Variants in LRTM1 observed in about 807,000 individuals in gnomAD.
The protein encoded by LRTM1 is leucine-rich repeat and transmembrane domain-containing protein 1.
In LRTM1, 38 loss-of-function variants were observed where a neutral mutation model predicts 32.4. The ratio of observed to expected loss-of-function variants is 1.17; its 90% confidence interval spans 0.91 to 1.54. The LOEUF (loss-of-function observed/expected upper bound fraction) is 1.54. LRTM1 is among the 40% of genes most tolerant of loss of function. LRTM1 has a pLI of 0.00. For missense variants in LRTM1, 466 were observed against 415.4 expected (o/e 1.12, Z -1.06); for synonymous variants, 186 against 169.9 (o/e 1.09, Z -0.74).
intron 1 of LRTM1, among the ~76,000 whole-genome samples, chr3:54,957,875 A>G (rs1042816713): frequency 3.3e-5 from 5 of 152,198 alleles, no homozygotes; most frequent in Admixed American, 1.3e-4. Flanking sequence ...GCACAAATCT[A>G]TTTGTGTCTC....
intron 1 of LRTM1, among the ~76,000 whole-genome samples, chr3:54,950,579 T>C (rs563377269): frequency 6.6e-6 from 1 of 152,358 alleles, no homozygotes; most frequent in African/African-American, 2.4e-5. Context: ...CAAAGAATGC[T>C]GCTTGATCAA....
intron 1 of LRTM1, among the ~76,000 whole-genome samples, chr3:54,960,600 G>A (rs1234503224): frequency 2.0e-5 from 3 of 152,094 alleles, no homozygotes; most frequent in African/African-American, 7.2e-5. Context: ...AAAGGTTGTT[G>A]CTGATCATTC....
chr3:54,948,156 C>T (rs962305687), intron 1 of LRTM1, among the ~76,000 whole-genome samples: 2 of 152,144 alleles, frequency 1.3e-5, no homozygotes, highest in African/African-American at 2.4e-5. Flanking sequence ...TCTACTTCTC[C>T]TCTCACCCCC....
chr3:54,936,694 C>G (rs529526587), intron 1 of LRTM1, among the ~76,000 whole-genome samples: 1 of 152,024 alleles, frequency 6.6e-6, no homozygotes, highest in Non-Finnish European at 1.5e-5. Flanking sequence ...CCAGTCAGCC[C>G]GTCGCTAGTA....
chr3:54,962,721 T>C (rs542529686), intron 1 of LRTM1, among the ~76,000 whole-genome samples: 1 of 152,266 alleles, frequency 6.6e-6, no homozygotes, highest in Non-Finnish European at 1.5e-5. Flanking sequence ...GTGGCAGGAT[T>C]GTTTTTCTGC....
chr3:54,945,996 C>G (rs1701604820), intron 1 of LRTM1, among the ~76,000 whole-genome samples: 1 of 152,234 alleles, frequency 6.6e-6, no homozygotes, highest in Non-Finnish European at 1.5e-5. Context: ...ATTCGCCTAG[C>G]TCTTTCCAAA....
intron 1 of LRTM1, among the ~76,000 whole-genome samples, chr3:54,944,775 C>A (rs58358513): frequency 0.16 from 23,932 of 151,788 alleles, 2,380 homozygotes; most frequent in African/African-American, 0.29. Context: ...ACAATAACTT[C>A]TTTTATCTCT....
chr3:54,940,880 G>A (rs1298621037), intron 1 of LRTM1, among the ~76,000 whole-genome samples: 1 of 152,108 alleles, frequency 6.6e-6, no homozygotes, highest in East Asian at 1.9e-4. Context: ...GGAGCCAAAG[G>A]TATCTGTATG....
intron 1 of LRTM1, among the ~76,000 whole-genome samples, chr3:54,953,652 C>G (rs1701812311): frequency 6.6e-6 from 1 of 152,180 alleles, no homozygotes; most frequent in Non-Finnish European, 1.5e-5. Flanking sequence ...AGGTCCAGTT[C>G]CCCAGGAGCT....
intron 1 of LRTM1, among the ~76,000 whole-genome samples, chr3:54,939,985 G>T (rs780808277): frequency 2.0e-5 from 3 of 152,224 alleles, no homozygotes; most frequent in Non-Finnish European, 4.4e-5. Context: ...AGGACAGGAT[G>T]CCTCTAGGAC....
In LRTM1 at chr3:54,924,890, AAGG is replaced by A. The variant is rs752337140; in HGVS notation, c.330_332del (p.Leu111del). ...AATGGAAAAGTCTGCTTTCCAGGGA[AAGG>A]AGTGAATTCTGGGTTAGATTTAAAA... On this transcript the variant is annotated inframe_deletion, in exon 2 of 3. Transcript: ENST00000273286. 1.9e-5 allele frequency: 31 copies of A among 1,613,774 alleles called. No individual in the cohort carries two copies. The highest frequency in any genetic ancestry group is 2.6e-5 in the Non-Finnish European group (31 of 1,179,718).
rs188375155 is a variant in LRTM1 at position 54,922,666 on chromosome 3, A to C, written c.604+1953T>G. 1.6e-4 allele frequency among the ~76,000 whole-genome samples: 25 copies of C among 152,234 alleles called. No homozygotes were observed. In the East Asian group the frequency reaches 4.8e-3, roughly 29 times the overall value. ...CATGCAGACACTGTTGACTTCCCTAATTCATGTCTGTAGCTCCAACATCTT... is the reference window on the plus strand; with the variant it reads ...CATGCAGACACTGTTGACTTCCCTACTTCATGTCTGTAGCTCCAACATCTT... On this transcript the variant is annotated intron_variant, in intron 2 of 2. Coordinates refer to ENST00000273286, the MANE Select transcript of LRTM1 (RefSeq NM_020678.4).
At chr3:54,924,420 A>T (rs1700949686) in intron 2 of LRTM1, among the ~76,000 whole-genome samples, 199 bp downstream of exon 2, 1 of 152,224 alleles carries the variant, frequency 6.6e-6, no homozygotes, top group African/African-American at 2.4e-5. Context: ...ATATTTGTAG[A>T]TTAATTTCGA....
At chr3:54,935,042 A>T (rs1286722357) in intron 1 of LRTM1, among the ~76,000 whole-genome samples, 2 of 152,158 alleles carry the variant, frequency 1.3e-5, no homozygotes, top group African/African-American at 2.4e-5. Flanking sequence ...CCAAGTCTGG[A>T]GGGTGCTATT....
Position 54,939,814 on chromosome 3 carries a change from C to A in LRTM1, c.-221-14599G>T, listed in dbSNP as rs537778490. 1.1e-4 allele frequency among the ~76,000 whole-genome samples: 16 copies of A among 152,312 alleles called. No individual in the cohort carries two copies. The South Asian group carries it at 3.3e-3, about 32-fold the overall frequency. ...ATGGCATTTTGTGGGCCTGCTCCTG[C>A]CCTTCGGCCCACATGATTGTTTGGA... On this transcript the variant is annotated intron_variant, in intron 1 of 2. Transcript: ENST00000493075.
upstream of LRTM1, among the ~76,000 whole-genome samples, chr3:54,930,700 C>T (rs745420079): frequency 6.6e-6 from 1 of 152,240 alleles, no homozygotes; most frequent in Non-Finnish European, 1.5e-5. Flanking sequence ...TGAGCATCAG[C>T]ATTCTATCTG....
chr3:54,926,505 TACACACACACACACACACACACACAC>T lies in LRTM1; in HGVS notation c.8-1316_8-1291del, dbSNP rs36205023. Among the ~76,000 whole-genome samples the T allele has an allele frequency of 9.8e-5, 14 of 143,408 alleles. No individual in the cohort carries two copies. The South Asian group carries it at 3.3e-3, about 34-fold the overall frequency. 94.1% of individuals were successfully genotyped at this position (143,408 alleles called of 152,430 possible). On this transcript the variant is annotated intron_variant, in intron 1 of 2. Transcript: ENST00000273286. The stretch of plus-strand genomic sequence containing the variant: ...CTACTGTGCTCCACTGCCTGTCAAA[TACACACACACACACACACACACACAC>T]ACACACACACACACACACACACTCT...
chr3:54,956,917 T>A lies in LRTM1; in HGVS notation c.-222+10011A>T, dbSNP rs141653647. Among the ~76,000 whole-genome samples the A allele has an allele frequency of 4.0e-3, 606 of 152,046 alleles. 2 individuals are homozygous for A. The highest frequency in any genetic ancestry group is 0.014 in the African/African-American group (569 of 41,460). ...AACCTCTTTGCCTTTGCTGTATAGG[T>A]TGAAAACAGGGGTGAAGGTAACTTC... On this transcript the variant is annotated intron_variant, in intron 1 of 2. Coordinates refer to the LRTM1 transcript ENST00000493075.
rs1273229771 is a variant in LRTM1 at position 54,955,290 on chromosome 3, A to G, written c.-222+11638T>C. On this transcript the variant is annotated intron_variant, in intron 1 of 2. Coordinates refer to the LRTM1 transcript ENST00000493075. ...AGGGACAAAGGTTGTCTTATTATGC[A>G]GATAATGTCCCGCAGGTAATCTCTT... is the stretch of plus-strand genomic sequence containing the variant. Among the ~76,000 whole-genome samples the G allele has an allele frequency of 4.6e-5, 7 of 152,248 alleles. No individual in the cohort carries two copies. In the South Asian group the frequency reaches 1.5e-3, roughly 32 times the overall value.
Sources: allele counts gnomAD v4.1 joint callset (sites outside exome capture counted in the v4.1 genomes callset), GRCh38; gene constraint gnomAD v4.1.1; transcripts MANE v1.5; gene names NCBI Gene and HGNC (gene_info 2026-07-23, HGNC 2026-07-21).